The following PCDHGB7 variants were observed in gnomAD, a reference collection of about 807,000 sequenced individuals.
The protein encoded by PCDHGB7 is protocadherin gamma subfamily B, 7, also known as protocadherin gamma-B7.
In PCDHGB7, 37 loss-of-function variants were observed where a neutral mutation model predicts 61.4. The ratio of observed to expected loss-of-function variants is 0.60; its 90% CI spans 0.46 to 0.79. The LOEUF is 0.79. PCDHGB7 is among the 30% of genes least tolerant of loss of function. PCDHGB7 has a pLI of 0.00. For missense variants in PCDHGB7, 1,166 were observed against 1,202.5 expected (o/e 0.97, Z 0.45); for synonymous variants, 464 against 503.5 (o/e 0.92, Z 1.05).
In PCDHGB7 at chr5:141,489,734, A is replaced by G; in HGVS notation, c.2416-5073A>G. The G allele has an allele frequency of 6.2e-7, 1 of 1,614,164 alleles. No individual in the cohort carries two copies. Among genetic ancestry groups the G allele is most frequent in the Non-Finnish European group, 8.5e-7 (1 of 1,180,028 alleles). On this transcript the variant is annotated intron_variant, in intron 1 of 3. Transcript: ENST00000398594. This position sits in a 1 kb window ranked among gnomAD's most constrained non-coding sequence, Gnocchi z 4.5. ...GCCCAGGATCCGGATGTGGGCACCAATACTGTGAGCTTTTACACTCTAAGC... is the reference window on the plus strand; with the variant it reads ...GCCCAGGATCCGGATGTGGGCACCAGTACTGTGAGCTTTTACACTCTAAGC...
chr5:141,487,391 A>C lies in PCDHGB7; in HGVS notation c.2416-7416A>C. 1 of 1,614,090 alleles carries C rather than the reference A, an allele frequency of 6.2e-7. No homozygotes were observed. The highest frequency in any genetic ancestry group is 1.1e-5 in the South Asian group (1 of 91,078). ...TGCCTGTCTCACCAGATCTCGAAGG[A>C]GGGAGGGGCTTCCCCCTTCCAATGG... On this transcript the variant is annotated intron_variant, in intron 1 of 3. Transcript: ENST00000398594. The surrounding 1 kb of genome is among the most constrained non-coding windows in gnomAD (Gnocchi z 5.0).
At chr5:141,425,606 G>A (rs1419859039) in intron 1 of PCDHGB7, among the ~76,000 whole-genome samples, 1 of 152,156 alleles carries the variant, frequency 6.6e-6, no homozygotes, top group Non-Finnish European at 1.5e-5. Context: ...GCCCTATATA[G>A]CTTTCAGTGC....
rs1484627772 is a variant in PCDHGB7 at position 141,419,630 on chromosome 5, G to A, written c.1771G>A (p.Val591Met). The A allele has an allele frequency of 6.2e-7, 1 of 1,612,430 alleles. No homozygotes were observed. The highest frequency in any genetic ancestry group is 1.1e-5 in the South Asian group (1 of 91,004). ...AAQPGYLVTKVVAVDADSGHN... is the reference protein window; with the variant it reads ...AAQPGYLVTKMVAVDADSGHN... ...GCAGCCAGGCTACCTGGTGACCAAG[G>A]TGGTGGCCGTGGACGCGGACTCGGG... Residue 591 changes from valine to methionine, a missense_variant, in exon 1 of 4, where the codon GTG becomes ATG. Physicochemically the swap from Val to Met is conservative, Grantham distance 21. Transcript: ENST00000398594.
rs1562137828 is a variant in PCDHGB7 at position 141,490,359 on chromosome 5, T to C, written c.2416-4448T>C. On this transcript the variant is annotated intron_variant, in intron 1 of 3. Transcript: ENST00000398594. This position sits in a 1 kb window ranked among gnomAD's most constrained non-coding sequence, Gnocchi z 5.4. ...TGGGCACAGTAGTGGGGTTGTTTAA[T>C]GTGCGAGACCGGGACTCAGGTAGAA... The C allele has an allele frequency of 1.9e-6, 3 of 1,614,212 alleles. No individual in the cohort carries two copies. The highest frequency in any genetic ancestry group is 2.5e-6 in the Non-Finnish European group (3 of 1,180,036).
At chr5:141,426,029 A>G (rs576464127) in intron 1 of PCDHGB7, among the ~76,000 whole-genome samples, 13 of 152,216 alleles carry the variant, frequency 8.5e-5, no homozygotes, top group Non-Finnish European at 1.9e-4. Flanking sequence ...AAATAGACTC[A>G]GAGCCCTGCT....
chr5:141,477,571 C>A lies in PCDHGB7; in HGVS notation c.2416-17236C>A, dbSNP rs1470454976. ...TAAACCTAAGTGTCTGGGACCCCGA[C>A]GCCCCGCAGAATGCTCGGCTTTCTT... is the stretch of plus-strand genomic sequence containing the variant. On this transcript the variant is annotated intron_variant, in intron 1 of 3. Coordinates refer to ENST00000398594, the MANE Select transcript of PCDHGB7 (RefSeq NM_018927.4). The surrounding 1 kb of genome is among the most constrained non-coding windows in gnomAD (Gnocchi z 4.9). The A allele has an allele frequency of 3.1e-6, 5 of 1,614,042 alleles. No homozygotes were observed. In the South Asian group the frequency reaches 4.4e-5, roughly 14 times the overall value.
At position 141,421,975 on chromosome 5, in the gene PCDHGB7, G is replaced by A. The variant is rs1287891140; in HGVS notation, c.2415+1701G>A. 3.1e-6 allele frequency: 5 copies of A among 1,610,050 alleles called. No individual in the cohort carries two copies. The South Asian group carries it at 3.3e-5, about 11-fold the overall frequency. On this transcript the variant is annotated intron_variant, in intron 1 of 3. Coordinates refer to ENST00000398594, the MANE Select transcript of PCDHGB7 (RefSeq NM_018927.4). ...AATGTTTACACAGTCCGTATATCGC[G>A]TGAGTGTTCCAGAAAACATCAGCTC...
chr5:141,505,653 G>A (rs1049630228), intron 3 of PCDHGB7, among the ~76,000 whole-genome samples, 172 bp downstream of exon 3: 1 of 152,184 alleles, frequency 6.6e-6, no homozygotes, highest in Non-Finnish European at 1.5e-5. Context: ...TTGTGGCTAA[G>A]GAACAGCAGA....
intron 1 of PCDHGB7, among the ~76,000 whole-genome samples, chr5:141,484,009 T>A (rs1157069536): frequency 7.1e-5 from 1 of 14,094 alleles, no homozygotes; most frequent in African/African-American, 2.8e-4. Flanking sequence ...TGGATGAGGG[T>A]GGGGGTGGGG....
At position 141,418,023 on chromosome 5, in the gene PCDHGB7, G is replaced by A. The variant is rs375588252; in HGVS notation, c.164G>A (p.Gly55Glu). 244 of 1,613,996 alleles carry A rather than the reference G, an allele frequency of 1.5e-4. No individual in the cohort carries two copies. The Middle Eastern group carries it at 3.5e-3, about 23-fold the overall frequency. The change falls in exon 1 of 4, where the codon GGG becomes GAG. Residue 55 changes from glycine to glutamate, a missense_variant. Gly to Glu is a moderately conservative substitution (Grantham distance 98). Coordinates refer to ENST00000398594, the MANE Select transcript of PCDHGB7 (RefSeq NM_018927.4). ...GTGGGGAACCTCGCTAAGGATCTAGGGCTTAGTGTCCTGGATGTGTCGGCT... is the reference window on the plus strand; with the variant it reads ...GTGGGGAACCTCGCTAAGGATCTAGAGCTTAGTGTCCTGGATGTGTCGGCT... ...SVVGNLAKDL[G>E]LSVLDVSARE...
chr5:141,422,061 A>G (rs1215523341), intron 1 of PCDHGB7: 3 of 1,612,074 alleles, frequency 1.9e-6, no homozygotes, highest in Non-Finnish European at 2.5e-6. Flanking sequence ...ACGGGGAAGT[A>G]ATGTATTCAT....
Position 141,486,915 on chromosome 5 carries a change from C to G in PCDHGB7, c.2416-7892C>G. The G allele has an allele frequency of 6.2e-7, 1 of 1,614,244 alleles. No individual in the cohort carries two copies. The highest frequency in any genetic ancestry group is 8.5e-7 in the Non-Finnish European group (1 of 1,180,046). ...GGTTCCTTATGTCCCCAAGCACTGCCTCCATCAGTTGGTGCTGGCCACCTA... is the reference window on the plus strand; with the variant it reads ...GGTTCCTTATGTCCCCAAGCACTGCGTCCATCAGTTGGTGCTGGCCACCTA... On this transcript the variant is annotated intron_variant, in intron 1 of 3. Transcript: ENST00000398594. This position sits in a 1 kb window ranked among gnomAD's most constrained non-coding sequence, Gnocchi z 5.0.
rs764658508 is a variant in PCDHGB7 at position 141,431,546 on chromosome 5, G to A, written c.2415+11272G>A. 1.2e-6 allele frequency: 2 copies of A among 1,614,000 alleles called. No homozygotes were observed. Among genetic ancestry groups the A allele is most frequent in the Admixed American group, 3.3e-5 (2 of 60,012 alleles). On this transcript the variant is annotated intron_variant, in intron 1 of 3. Coordinates refer to ENST00000398594, the MANE Select transcript of PCDHGB7 (RefSeq NM_018927.4). This position sits in a 1 kb window ranked among gnomAD's most constrained non-coding sequence, Gnocchi z 4.8. The stretch of plus-strand genomic sequence containing the variant: ...TCTGGCCTTGGGCACGCAGCTGCTT[G>A]TAGTCAACGCTACCGACCCTGACGA...
chr5:141,477,171 TCA>T lies in PCDHGB7; in HGVS notation c.2416-17633_2416-17632del, dbSNP rs772104411. On this transcript the variant is annotated intron_variant, in intron 1 of 3. Transcript: ENST00000398594. This position sits in a 1 kb window ranked among gnomAD's most constrained non-coding sequence, Gnocchi z 4.9. ...GATGTGAATGACAACGCCCCGGAGA[TCA>T]CAGTCACCTCCGTGTACAGCCCAGT... 6.2e-7 allele frequency: 1 copy of T among 1,614,072 alleles called. No individual in the cohort carries two copies. Among genetic ancestry groups the T allele is most frequent in the Non-Finnish European group, 8.5e-7 (1 of 1,179,988 alleles).
In PCDHGB7 at chr5:141,423,465, G is replaced by A. The variant is rs762995150; in HGVS notation, c.2415+3191G>A. On this transcript the variant is annotated intron_variant, in intron 1 of 3. Coordinates refer to ENST00000398594, the MANE Select transcript of PCDHGB7 (RefSeq NM_018927.4). ...CGTCACATTTTGTAGGCGTGGACGG[G>A]GTACAGGCTTTCCTGCAAACCTATT... The A allele has an allele frequency of 2.6e-5, 42 of 1,614,006 alleles. 1 individual carries two copies. The Middle Eastern group carries it at 1.5e-3, about 57-fold the overall frequency.
chr5:141,476,922 C>T lies in PCDHGB7; in HGVS notation c.2416-17885C>T. 4 of 1,614,120 alleles carry T rather than the reference C, an allele frequency of 2.5e-6. No individual in the cohort carries two copies. Among genetic ancestry groups the T allele is most frequent in the Non-Finnish European group, 2.5e-6 (3 of 1,180,050 alleles). On this transcript the variant is annotated intron_variant, in intron 1 of 3. Transcript: ENST00000398594. The surrounding 1 kb of genome is among the most constrained non-coding windows in gnomAD (Gnocchi z 7.6). ...ACGCGCGTGGTACAAGTCCTTGCAA[C>T]GGATCTGGATGAAGGCCCCAACGGT...
intron 1 of PCDHGB7, chr5:141,427,525 CG>C (rs996050026): frequency 4.9e-6 from 3 of 612,098 alleles, no homozygotes; most frequent in Non-Finnish European, 9.2e-6. Flanking sequence ...GAGCGGATCC[CG>C]GAGTACAACG....
intron 1 of PCDHGB7, chr5:141,426,871 A>G (rs887250057): frequency 2.2e-6 from 1 of 456,722 alleles, no homozygotes; most frequent in Non-Finnish European, 4.4e-6. Flanking sequence ...GTGCTGGAGA[A>G]GCCCCTGGGC....
chr5:141,506,294 C>T (rs1165174121), intron 3 of PCDHGB7, among the ~76,000 whole-genome samples: 1 of 151,888 alleles, frequency 6.6e-6, no homozygotes, highest in African/African-American at 2.4e-5. Context: ...ACTAAAAATA[C>T]AAAAATTAGC....
Sources: allele counts gnomAD v4.1 joint callset (sites outside exome capture counted in the v4.1 genomes callset), GRCh38; gene constraint gnomAD v4.1.1; non-coding constraint Gnocchi (gnomAD v3.1); transcripts MANE v1.5; gene names NCBI Gene and HGNC (gene_info 2026-07-23, HGNC 2026-07-21).